The following MSH6 variants were observed in gnomAD, a reference collection of about 807,000 sequenced individuals.
MSH6 encodes mutS homolog 6, also known as DNA mismatch repair protein Msh6.
A neutral mutation model predicts 119.1 loss-of-function variants in MSH6; 85 were observed. That is an observed-to-expected ratio of 0.71 (90% CI 0.60 to 0.85). MSH6 has a LOEUF of 0.85. MSH6 is among the 40% of genes least tolerant of loss of function. The pLI is 0.00. For missense variants in MSH6, 2,163 were observed against 1,655.3 expected (o/e 1.31, Z -5.32); for synonymous variants, 830 against 586.9 (o/e 1.41, Z -5.99).
chr2:47,795,573 T>A (rs1034823186), intron 2 of MSH6, among the ~76,000 whole-genome samples: 1 of 151,390 alleles, frequency 6.6e-6, no homozygotes, highest in Non-Finnish European at 1.5e-5. Context: ...TTAAGTGATC[T>A]TCCCACCTCA....
rs1553333453 is a variant in MSH6 at position 47,806,504 on chromosome 2, T to C, written c.3854T>C (p.Phe1285Ser). The C allele has an allele frequency of 1.2e-6, 2 of 1,613,944 alleles. No individual in the cohort carries two copies. The highest frequency in any genetic ancestry group is 1.7e-6 in the Non-Finnish European group (2 of 1,180,002). Reference sequence around the variant, plus strand: ...GACCCCAGCCAGGAGACTATTACGTTCCTCTATAAATTCATTAAGGGAGCT... The same window carrying C: ...GACCCCAGCCAGGAGACTATTACGTCCCTCTATAAATTCATTAAGGGAGCT... The part of the protein sequence containing the change: ...CEDPSQETIT[F>S]LYKFIKGACP... The change falls in exon 9 of 10, where the codon TTC becomes TCC. Residue 1285 changes from phenylalanine (F) to serine (S), a missense_variant. Physicochemically the swap from Phe to Ser is radical, Grantham distance 155 (BLOSUM62 -2). Transcript: ENST00000234420.
rs1553412665 is a variant in MSH6, at chr2:47,799,219, G to T, written c.1236G>T (p.Lys412Asn). 6.2e-7 allele frequency: 1 copy of T among 1,614,174 alleles called. No individual in the cohort carries two copies. Among genetic ancestry groups the T allele is most frequent in the Non-Finnish European group, 8.5e-7 (1 of 1,180,024 alleles). ...FLNSCTPGMR[K>N]WWQIKSQNFD... ...ATTCTTGTACTCCTGGGATGAGGAA[G>T]TGGTGGCAGATTAAGTCTCAGAACT... is the stretch of plus-strand genomic sequence containing the variant. Residue 412 changes from lysine to asparagine, a missense_variant, in exon 4 of 10, where the codon AAG becomes AAT. Coordinates refer to ENST00000234420, the MANE Select transcript of MSH6 (RefSeq NM_000179.3).
Position 47,800,185 on chromosome 2 carries a change from G to C in MSH6, c.2202G>C (p.Val734=), listed in dbSNP as rs2104393896. ...AIFTKAYQRM[V]LDAVTLNNLE... ...TCACCAAAGCCTATCAACGAATGGT[G>C]CTAGATGCAGTGACATTAAACAACT... The change falls in exon 4 of 10, where the codon GTG becomes GTC. Residue 734 remains valine, a synonymous_variant. Transcript: ENST00000234420. The C allele has an allele frequency of 6.2e-7, 1 of 1,614,174 alleles. No homozygotes were observed. The highest frequency in any genetic ancestry group is 8.5e-7 in the Non-Finnish European group (1 of 1,180,036).
chr2:47,791,855 T>TA lies in MSH6; in HGVS notation c.457+732_457+733insA, dbSNP rs1558652992. ...ACGTTGCCTGGCTATATATATATATTTTTTTTTTGAGACGGAGTTTTGCTC... is the reference window on the plus strand; with the variant it reads ...ACGTTGCCTGGCTATATATATATATTATTTTTTTTGAGACGGAGTTTTGCTC... On this transcript the variant is annotated intron_variant, in intron 2 of 9. Transcript: ENST00000234420. Among the ~76,000 whole-genome samples, 27 of 150,112 alleles carry TA rather than the reference T, an allele frequency of 1.8e-4. 1 individual carries two copies. Among genetic ancestry groups the TA allele is most frequent in the Middle Eastern group, 6.8e-3 (2 of 292 alleles).
chr2:47,806,245 G>A lies in MSH6; in HGVS notation c.3688G>A (p.Ala1230Thr), dbSNP rs2104539037. 6.2e-7 allele frequency: 1 copy of A among 1,614,036 alleles called. No homozygotes were observed. Among genetic ancestry groups the A allele is most frequent in the Non-Finnish European group, 8.5e-7 (1 of 1,179,928 alleles). ...ATFDGTAIAN[A>T]VVKELAETIK... ...ATTTGATGGGACGGCAATAGCAAATGCAGTTGTTAAAGAACTTGCTGAGAC... is the reference window on the plus strand; with the variant it reads ...ATTTGATGGGACGGCAATAGCAAATACAGTTGTTAAAGAACTTGCTGAGAC... The change falls in exon 8 of 10, where the codon GCA becomes ACA. Residue 1230 changes from alanine (A) to threonine (T), a missense_variant. Physicochemically the swap from Ala to Thr is moderately conservative, Grantham distance 58. Coordinates refer to ENST00000234420, the MANE Select transcript of MSH6 (RefSeq NM_000179.3).
Position 47,783,733 on chromosome 2 carries a change from C to T in MSH6, c.260+240C>T, listed in dbSNP as rs3136230. 39,891 of 449,010 alleles carry T rather than the reference C, an allele frequency of 0.089. 2,129 individuals carry two copies. Among genetic ancestry groups the T allele is most frequent in the Non-Finnish European group, 0.11 (29,943 of 279,282 alleles). The allele number at this position is 449,010 out of a possible 1,614,324, so 27.8% of individuals were successfully genotyped here. On this transcript the variant is annotated intron_variant, in intron 1 of 9. Transcript: ENST00000234420. Reference sequence around the variant, plus strand: ...TGCAGGAAGAGGGCTGCAGGGGAGACGCGGAGAGTTCGGGCCTTTTGGAGG... The same window carrying T: ...TGCAGGAAGAGGGCTGCAGGGGAGATGCGGAGAGTTCGGGCCTTTTGGAGG...
chr2:47,786,509 G>A (rs3136250), intron 1 of MSH6, among the ~76,000 whole-genome samples: 34,948 of 86,090 alleles, frequency 0.41, 4,491 homozygotes, highest in Non-Finnish European at 0.44. Context: ...TAATTTTTGT[G>A]TTTATAGTAG....
intron 2 of MSH6, among the ~76,000 whole-genome samples, chr2:47,792,846 GTTTTTTTTTTTT>G (rs11335797): frequency 0.029 from 3,268 of 114,448 alleles, 148 homozygotes; most frequent in African/African-American, 0.1. Flanking sequence ...TTTTTATATA[GTTTTTTTTTTTT>G]TTTTTTTTTT....
At chr2:47,806,039 GGCT>G (rs1343704628) in intron 7 of MSH6, among the ~76,000 whole-genome samples, 162 bp from the exon 8 acceptor site, 7 of 152,228 alleles carry the variant, frequency 4.6e-5, no homozygotes, top group Non-Finnish European at 8.8e-5. Context: ...ACTCCCCATG[GGCT>G]GCTAAGCAGA....
rs560198519 is a variant in MSH6 at position 47,789,337 on chromosome 2, T to C, written c.261-1590T>C. 8 of 405,088 alleles carry C rather than the reference T, an allele frequency of 2.0e-5. No individual in the cohort carries two copies. The Admixed American group carries it at 2.5e-4, about 13-fold the overall frequency. The allele number at this position is 405,088 out of a possible 1,614,324, so 25.1% of individuals were successfully genotyped here. A position where few individuals can be genotyped will look rare whatever the true frequency, so the allele number is the denominator to read the frequency against. On this transcript the variant is annotated intron_variant, in intron 1 of 9. Coordinates refer to ENST00000234420, the MANE Select transcript of MSH6 (RefSeq NM_000179.3). ...AAAATTTTTTGTTTAAATGCTTATG[T>C]TTCTAATATTTTATTTCAGAAAGGA...
Position 47,799,237 on chromosome 2 carries a change from T to G in MSH6, c.1254T>G (p.Ser418=), listed in dbSNP as rs576815110. ...PGMRKWWQIK[S]QNFDLVICYK... ...TGAGGAAGTGGTGGCAGATTAAGTC[T>G]CAGAACTTTGATCTTGTCATCTGTT... Residue 418 remains serine (S), a synonymous_variant, in exon 4 of 10, where the codon TCT becomes TCG. Coordinates refer to ENST00000234420, the MANE Select transcript of MSH6 (RefSeq NM_000179.3). The G allele has an allele frequency of 6.2e-7, 1 of 1,614,186 alleles. No homozygotes were observed. Among genetic ancestry groups the G allele is most frequent in the Non-Finnish European group, 8.5e-7 (1 of 1,180,036 alleles).
rs774457540 is a variant in MSH6, at chr2:47,799,252, T to G, written c.1269T>G (p.Leu423=). 3 of 1,614,164 alleles carry G rather than the reference T, an allele frequency of 1.9e-6. No individual in the cohort carries two copies. The highest frequency in any genetic ancestry group is 2.5e-6 in the Non-Finnish European group (3 of 1,180,032). The stretch of plus-strand genomic sequence containing the variant: ...AGATTAAGTCTCAGAACTTTGATCT[T>G]GTCATCTGTTACAAGGTGGGGAAAT... ...WWQIKSQNFD[L]VICYKVGKFY... Residue 423 remains leucine (L), a synonymous_variant, in exon 4 of 10, where the codon CTT becomes CTG. Transcript: ENST00000234420.
rs773226008 is a variant in MSH6, at chr2:47,799,428, G to T, written c.1445G>T (p.Arg482Leu). ...GTGCAGAAGGGCTATAAAGTAGCAC[G>T]AGTGGAACAGACTGAGACTCCAGAA... ...SLVQKGYKVARVEQTETPEMM... is the reference protein window; with the variant it reads ...SLVQKGYKVALVEQTETPEMM... Residue 482 changes from arginine to leucine, a missense_variant, in exon 4 of 10, where the codon CGA (arginine) becomes CTA (leucine). Coordinates refer to ENST00000234420, the MANE Select transcript of MSH6 (RefSeq NM_000179.3). 1 of 1,614,132 alleles carries T rather than the reference G, an allele frequency of 6.2e-7. No homozygotes were observed.
downstream of MSH6, chr2:47,809,407 A>C: frequency 2.9e-6 from 2 of 685,414 alleles, no homozygotes; most frequent in Non-Finnish European, 4.8e-6. Flanking sequence ...ATTGTAAGAA[A>C]TCAGCTAAGA....
At chr2:47,805,179 C>G in intron 6 of MSH6, 152 bp downstream of exon 6, 1 of 631,510 alleles carries the variant, frequency 1.6e-6, no homozygotes, top group Non-Finnish European at 2.8e-6. Context: ...CATAGTCTCT[C>G]TCTCTTTTTT....
At chr2:47,808,203 G>C (rs780870758), downstream of MSH6, 6 of 1,613,258 alleles carry the variant, frequency 3.7e-6, no homozygotes. Context: ...ACCAGCTAAT[G>C]TACAAGGATT....
rs786201869 is a variant in MSH6 at position 47,783,263 on chromosome 2, C to A, written c.30C>A (p.Phe10Leu). 1 of 1,612,182 alleles carries A rather than the reference C, an allele frequency of 6.2e-7. No homozygotes were observed. ...CGCGACAGAGCACCCTGTACAGCTTCTTCCCCAAGTCTCCGGCGCTGAGTG... is the reference window on the plus strand; with the variant it reads ...CGCGACAGAGCACCCTGTACAGCTTATTCCCCAAGTCTCCGGCGCTGAGTG... The part of the protein sequence containing the change: MSRQSTLYS[F>L]FPKSPALSDA... The change falls in exon 1 of 10, where the codon TTC becomes TTA. Residue 10 changes from phenylalanine (F) to leucine (L), a missense_variant. Physicochemically the swap from Phe to Leu is conservative, Grantham distance 22. Coordinates refer to ENST00000234420, the MANE Select transcript of MSH6 (RefSeq NM_000179.3).
downstream of MSH6, chr2:47,809,950 T>C (rs994274865): frequency 9.9e-6 from 5 of 504,860 alleles, no homozygotes; most frequent in Non-Finnish European, 1.4e-5. Flanking sequence ...AAATACATGA[T>C]ACTTGGATTT....
At position 47,803,526 on chromosome 2, in the gene MSH6, A is replaced by T. The variant is rs876658155; in HGVS notation, c.3279A>T (p.Gly1093=). Residue 1093 remains glycine, a synonymous_variant, in exon 5 of 10, where the codon GGA becomes GGT. Transcript: ENST00000234420. Reference sequence around the variant, plus strand: ...CCCCCCCCTTCTTAGAGCTTAAAGGATCACGCCATCCTTGCATTACGAAGA... The same window carrying T: ...CCCCCCCCTTCTTAGAGCTTAAAGGTTCACGCCATCCTTGCATTACGAAGA... ...EDTPPFLELK[G]SRHPCITKTF... is the part of the protein sequence containing the mutation. The T allele has an allele frequency of 6.2e-7, 1 of 1,613,974 alleles. No homozygotes were observed. Among genetic ancestry groups the T allele is most frequent in the Non-Finnish European group, 8.5e-7 (1 of 1,180,030 alleles).
Sources: allele counts gnomAD v4.1 joint callset (sites outside exome capture counted in the v4.1 genomes callset), GRCh38; gene constraint gnomAD v4.1.1; transcripts MANE v1.5; gene names NCBI Gene and HGNC (gene_info 2026-07-23, HGNC 2026-07-21).